IL15: variants seen among roughly 807,000 people sequenced by gnomAD.
The protein encoded by IL15 is interleukin-15.
A neutral mutation model predicts 19.6 loss-of-function variants in IL15; 11 were observed. That is an observed-to-expected ratio of 0.56 (90% confidence interval 0.35 to 0.93). IL15 has a LOEUF of 0.93. Among genes scored for constraint, IL15 ranks in the 40% least tolerant of loss-of-function variants. IL15 has a pLI of 0.01. For synonymous variants in IL15, 58 were observed against 59.6 expected, an observed-to-expected ratio of 0.97 and a Z score of 0.12; for missense variants, 197 against 186.5, an observed-to-expected ratio of 1.06 and a Z score of -0.33.
intron 2 of IL15, among the ~76,000 whole-genome samples, chr4:141,699,194 C>T (rs1729199439): frequency 6.6e-6 from 1 of 152,062 alleles, no homozygotes. Flanking sequence ...TGAGAAGATA[C>T]TTGATATGAT....
chr4:141,657,059 T>C (rs896320226), intron 2 of IL15, among the ~76,000 whole-genome samples: 2 of 152,192 alleles, frequency 1.3e-5, no homozygotes, highest in Non-Finnish European at 2.9e-5. Flanking sequence ...TGAGATGGTA[T>C]AGCCTATACA....
chr4:141,680,950 C>T (rs953270214), intron 2 of IL15, among the ~76,000 whole-genome samples: 2 of 152,162 alleles, frequency 1.3e-5, no homozygotes, highest in African/African-American at 4.8e-5. Flanking sequence ...AATGAACATG[C>T]TTCAGTGCCA....
chr4:141,707,225 T>C (rs1284959715), intron 2 of IL15, among the ~76,000 whole-genome samples: 1 of 152,142 alleles, frequency 6.6e-6, no homozygotes. Context: ...TAAATTTTCA[T>C]TTATCAAATT....
chr4:141,651,674 T>A (rs537058078), intron 1 of IL15, among the ~76,000 whole-genome samples: 1 of 152,194 alleles, frequency 6.6e-6, no homozygotes, highest in Non-Finnish European at 1.5e-5. Flanking sequence ...GATAATTTTC[T>A]ATATTGTATT....
chr4:141,638,628 G>A (rs1419190285), intron 1 of IL15, among the ~76,000 whole-genome samples: 1 of 152,184 alleles, frequency 6.6e-6, no homozygotes, highest in Non-Finnish European at 1.5e-5. Flanking sequence ...TATATTGCAA[G>A]GCACAATGTT....
chr4:141,703,698 G>C (rs1328751713), intron 2 of IL15, among the ~76,000 whole-genome samples: 1 of 149,148 alleles, frequency 6.7e-6, no homozygotes, highest in Admixed American at 6.7e-5. Flanking sequence ...TTTCCCAGTG[G>C]GAGAGGCATG....
chr4:141,709,565 AT>A (rs148565257), intron 2 of IL15, among the ~76,000 whole-genome samples: 32 of 150,160 alleles, frequency 2.1e-4, no homozygotes, highest in African/African-American at 3.4e-4. Flanking sequence ...CAAAACAACG[AT>A]TTTTTTTTTG....
At chr4:141,689,782 T>A (rs1250712374) in intron 2 of IL15, among the ~76,000 whole-genome samples, 1 of 152,196 alleles carries the variant, frequency 6.6e-6, no homozygotes, top group Non-Finnish European at 1.5e-5. Context: ...ACTCAGGAGC[T>A]CAGCTGGCTT....
intron 2 of IL15, among the ~76,000 whole-genome samples, chr4:141,701,082 C>G (rs1275080684): frequency 6.6e-6 from 1 of 152,106 alleles, no homozygotes; most frequent in Admixed American, 6.5e-5. Flanking sequence ...CCTTGACTAG[C>G]TGAATAGTCA....
At chr4:141,705,632 A>T (rs562805020) in intron 2 of IL15, among the ~76,000 whole-genome samples, 1 of 151,892 alleles carries the variant, frequency 6.6e-6, no homozygotes, top group Non-Finnish European at 1.5e-5. Flanking sequence ...TTCTTTGTTG[A>T]TTTTTTGTCT....
chr4:141,667,485 G>A (rs1579003085), intron 2 of IL15, among the ~76,000 whole-genome samples: 1 of 152,114 alleles, frequency 6.6e-6, no homozygotes, highest in Non-Finnish European at 1.5e-5. Context: ...GAAGTTTTCT[G>A]TATTGATTGT....
intron 1 of IL15, among the ~76,000 whole-genome samples, chr4:141,642,413 G>T (rs1342633874): frequency 6.6e-6 from 1 of 152,170 alleles, no homozygotes; most frequent in Non-Finnish European, 1.5e-5. Context: ...TGCCAGAGGT[G>T]CGTGTTGTTC....
chr4:141,653,637 T>TA (rs1040201540), intron 1 of IL15, among the ~76,000 whole-genome samples: 18 of 152,118 alleles, frequency 1.2e-4, no homozygotes, highest in Admixed American at 6.5e-4. Context: ...ATGCTAATAT[T>TA]AAAAAAAACT....
At chr4:141,719,131 A>G (rs1039108017) in intron 2 of IL15, 1 of 239,122 alleles carries the variant, frequency 4.2e-6, no homozygotes. Context: ...CATTGTAATC[A>G]GACAGAACTG....
intron 5 of IL15, 93 bp downstream of exon 5, chr4:141,722,101 T>G (rs1730105278): frequency 7.4e-7 from 1 of 1,350,412 alleles, no homozygotes; most frequent in African/African-American, 1.5e-5. Context: ...GAAACCACAC[T>G]TGAAACAATA....
At chr4:141,652,561 G>A (rs17461328) in intron 1 of IL15, among the ~76,000 whole-genome samples, 7,884 of 152,076 alleles carry the variant, frequency 0.052, 305 homozygotes, top group Non-Finnish European at 0.087. Flanking sequence ...GAAACAAGAC[G>A]TTTGGGACTG....
intron 2 of IL15, among the ~76,000 whole-genome samples, chr4:141,658,369 G>A (rs1014512326): frequency 1.3e-5 from 2 of 151,986 alleles, no homozygotes; most frequent in African/African-American, 4.8e-5. Context: ...ATAGCAGTGC[G>A]AGAATGGACT....
intron 2 of IL15, among the ~76,000 whole-genome samples, chr4:141,660,050 C>T (rs1727738051): frequency 6.6e-6 from 1 of 152,040 alleles, no homozygotes; most frequent in Non-Finnish European, 1.5e-5. Flanking sequence ...TAATTTGTTC[C>T]TTGGTGAGCT....
chr4:141,674,040 G>A (rs993719499), intron 2 of IL15, among the ~76,000 whole-genome samples: 1 of 152,204 alleles, frequency 6.6e-6, no homozygotes, highest in Non-Finnish European at 1.5e-5. Context: ...TAAATTTGCA[G>A]AAGTTTCAGG....
Sources: gnomAD v4.1 joint callset for allele counts (sites outside exome capture counted in the v4.1 genomes callset) on GRCh38, gnomAD v4.1.1 for gene constraint, MANE v1.5 for transcripts, NCBI Gene and HGNC (gene_info 2026-07-23, HGNC 2026-07-21) for gene names.